Variants in CTCF observed in about 807,000 individuals in gnomAD.
CTCF encodes the protein CCCTC-binding factor.
In CTCF, 7 loss-of-function variants were observed where a neutral mutation model predicts 72.3. That is an observed-to-expected ratio of 0.10 (90% CI 0.06 to 0.18). The LOEUF (loss-of-function observed/expected upper bound fraction) is 0.18. Ranked by LOEUF, CTCF falls within the 10% of genes least tolerant of loss-of-function variation. The pLI is 1.00. For missense variants in CTCF, 516 were observed against 949.1 expected (o/e 0.54, Z 6.00); for synonymous variants, 374 against 315.8 (o/e 1.18, Z -1.95).
chr16:67,608,480 G>A (rs751455980), intron 2 of CTCF, among the ~76,000 whole-genome samples: 14 of 152,164 alleles, frequency 9.2e-5, no homozygotes, highest in Non-Finnish European at 1.9e-4. Flanking sequence ...TTGCAGTCTG[G>A]ATCTAAGTTC....
intron 2 of CTCF, among the ~76,000 whole-genome samples, chr16:67,571,475 C>G (rs2051419151): frequency 6.6e-6 from 1 of 152,144 alleles, no homozygotes; most frequent in Admixed American, 6.6e-5. Flanking sequence ...TTTAACCTGT[C>G]TACTCCTGTA....
chr16:67,606,756 GT>G (rs796220502), intron 2 of CTCF, among the ~76,000 whole-genome samples: 377 of 124,488 alleles, frequency 3.0e-3, no homozygotes, highest in African/African-American at 7.0e-3. Context: ...TTTGTTTTGG[GT>G]TTTTTTTTTT....
At chr16:67,563,699 A>G (rs1380890893) in intron 1 of CTCF, 1 of 152,244 alleles carries the variant, frequency 6.6e-6, no homozygotes, top group Non-Finnish European at 1.5e-5. Flanking sequence ...AAAGGGACTG[A>G]AACTTAAATT....
intron 4 of CTCF, chr16:67,615,167 G>A (rs1266104179): frequency 2.0e-5 from 3 of 152,240 alleles, no homozygotes; most frequent in Non-Finnish European, 4.4e-5. Flanking sequence ...TGGGCCTTGA[G>A]TGAAGGGATG....
intron 2 of CTCF, among the ~76,000 whole-genome samples, chr16:67,585,795 T>A (rs2051661648): frequency 6.6e-6 from 1 of 152,198 alleles, no homozygotes; most frequent in South Asian, 2.1e-4. Context: ...GTGTTTTATC[T>A]CTTATATCTT....
intron 1 of CTCF, chr16:67,563,162 C>G (rs575006687): frequency 6.6e-6 from 1 of 152,402 alleles, no homozygotes; most frequent in Non-Finnish European, 1.5e-5. Flanking sequence ...GGCTTCGGCG[C>G]CCGCCTAGCT....
chr16:67,591,731 C>A (rs1308229002), intron 2 of CTCF, among the ~76,000 whole-genome samples: 1 of 151,402 alleles, frequency 6.6e-6, no homozygotes, highest in African/African-American at 2.4e-5. Context: ...TGGGGGGGGG[C>A]AGTAAGGGCA....
intron 2 of CTCF, among the ~76,000 whole-genome samples, chr16:67,590,214 A>G (rs992087033): frequency 6.6e-6 from 1 of 152,088 alleles, no homozygotes; most frequent in Admixed American, 6.6e-5. Flanking sequence ...CTTTGTAGCA[A>G]AAGAACTCCT....
intron 2 of CTCF, among the ~76,000 whole-genome samples, chr16:67,597,313 C>A (rs2051827962): frequency 6.6e-6 from 1 of 151,898 alleles, no homozygotes; most frequent in Admixed American, 6.6e-5. Flanking sequence ...GAATTACAGG[C>A]GTAAGTCTCT....
intron 2 of CTCF, among the ~76,000 whole-genome samples, chr16:67,582,355 G>T (rs1233110187): frequency 6.6e-6 from 1 of 151,966 alleles, no homozygotes; most frequent in African/African-American, 2.4e-5. Context: ...TTTGCCTCTA[G>T]TATGTTGTTT....
chr16:67,623,590 G>A (rs2052233701), intron 7 of CTCF, among the ~76,000 whole-genome samples: 1 of 151,404 alleles, frequency 6.6e-6, no homozygotes, highest in Admixed American at 6.6e-5. Flanking sequence ...AGCCGAGATC[G>A]TGCCACTGCA....
intron 2 of CTCF, among the ~76,000 whole-genome samples, chr16:67,603,873 A>G (rs960322686): frequency 2.0e-5 from 3 of 151,294 alleles, no homozygotes; most frequent in African/African-American, 7.3e-5. Context: ...TTATGCCTGT[A>G]ATCCTAGCAA....
chr16:67,564,780 A>G (rs552386845), intron 1 of CTCF, among the ~76,000 whole-genome samples: 126 of 152,334 alleles, frequency 8.3e-4, no homozygotes, highest in African/African-American at 2.9e-3. Context: ...ACTGTGCTCC[A>G]TAGACCATAT....
In CTCF at chr16:67,611,356, T is replaced by C; in HGVS notation, c.524T>C (p.Val175Ala). ...GTTAAAGTGGGGGCCAATGGAGAGG[T>C]GGAGACACTAGAACAAGGGGAACTT... ...QVVKVGANGE[V>A]ETLEQGELPP... is the part of the protein sequence containing the mutation. Residue 175 changes from valine to alanine, a missense_variant, in exon 3 of 12, where the codon GTG becomes GCG. Val to Ala is a moderately conservative substitution (Grantham distance 64). This residue lies in a region of CTCF where 53 missense variants were observed against 63.6 expected (regional missense o/e 0.83). Coordinates refer to ENST00000264010, the MANE Select transcript of CTCF (RefSeq NM_006565.4). 6.2e-7 allele frequency: 1 copy of C among 1,613,804 alleles called. No individual in the cohort carries two copies. Among genetic ancestry groups the C allele is most frequent in the East Asian group, 2.2e-5 (1 of 44,868 alleles).
chr16:67,626,245 C>T (rs576678748), intron 7 of CTCF, among the ~76,000 whole-genome samples: 2 of 151,884 alleles, frequency 1.3e-5, no homozygotes, highest in Non-Finnish European at 2.9e-5. Context: ...TGAGACCATC[C>T]TGGCTAACAT....
Position 67,618,271 on chromosome 16 carries a change from A to G in CTCF, c.1086+1393A>G, listed in dbSNP as rs188551337. On this transcript the variant is annotated intron_variant, in intron 5 of 11. Coordinates refer to ENST00000264010, the MANE Select transcript of CTCF (RefSeq NM_006565.4). ...ACAAAAATTAGCTGGGCATGGCAGC[A>G]TGCGCCTGTAGTCTCAGCGACTCGG... is the stretch of plus-strand genomic sequence containing the variant. Among the ~76,000 whole-genome samples the G allele has an allele frequency of 1.3e-4, 20 of 152,244 alleles. No individual in the cohort carries two copies. The East Asian group carries it at 3.7e-3, about 28-fold the overall frequency.
intron 2 of CTCF, among the ~76,000 whole-genome samples, chr16:67,602,596 C>G (rs1314386186): frequency 2.6e-5 from 4 of 152,072 alleles, no homozygotes; most frequent in Non-Finnish European, 5.9e-5. Flanking sequence ...AATCCCAGCA[C>G]TTTGGGAGGC....
At position 67,638,364 on chromosome 16, in the gene CTCF, C is replaced by A. The variant is rs532136061; in HGVS notation, c.*492C>A. ...CACCAGTAGTATGGCATGCTACGAT[C>A]AGGTTCTGTCCTGAAAGCTTTGCCT... On this transcript the variant is annotated 3_prime_UTR_variant, in exon 12 of 12. Coordinates refer to ENST00000264010, the MANE Select transcript of CTCF (RefSeq NM_006565.4). 9 of 227,046 alleles carry A rather than the reference C, an allele frequency of 4.0e-5. No homozygotes were observed. The highest frequency in any genetic ancestry group is 2.0e-4 in the African/African-American group (9 of 45,094). The allele number at this position is 227,046 out of a possible 1,614,324, so 14.1% of individuals were successfully genotyped here. A position where few individuals can be genotyped will look rare whatever the true frequency, so the allele number is the denominator to read the frequency against.
intron 8 of CTCF, 143 bp from the exon 9 acceptor site, chr16:67,628,227 A>G (rs906443089): frequency 1.5e-6 from 1 of 689,016 alleles, no homozygotes; most frequent in Non-Finnish European, 2.4e-6. Flanking sequence ...CTCTAAATAT[A>G]TAGCTTTATC....
Sources: gnomAD v4.1 joint callset for allele counts (sites outside exome capture counted in the v4.1 genomes callset) on GRCh38, gnomAD v4.1.1 for gene constraint, gnomAD v4.1.1 regional missense constraint, MANE v1.5 for transcripts, NCBI Gene and HGNC (gene_info 2026-07-23, HGNC 2026-07-21) for gene names.